ADAM28: variants seen among roughly 807,000 people sequenced by gnomAD.
ADAM28 encodes the protein ADAM metallopeptidase domain 28.
In ADAM28, 105 loss-of-function variants were observed where a neutral mutation model predicts 101.2. The observed-to-expected ratio is 1.04, with a 90% confidence interval of 0.89 to 1.22. The LOEUF is 1.22. ADAM28 is among the 50% of genes most tolerant of loss of function. The pLI is 0.00. For missense variants in ADAM28, 1,028 were observed against 945.4 expected (o/e 1.09, Z -1.15); for synonymous variants, 322 against 310.6 (o/e 1.04, Z -0.39).
intron 18 of ADAM28, among the ~76,000 whole-genome samples, chr8:24,344,331 C>T (rs1815156476): frequency 6.6e-6 from 1 of 152,128 alleles, no homozygotes; most frequent in African/African-American, 2.4e-5. Context: ...TTGACGCTCC[C>T]CTCTCTGTCT....
Position 24,306,359 on chromosome 8 carries a change from A to AATATATATAT in ADAM28, c.151-3532_151-3531insTATATATATA, listed in dbSNP as rs1194372727. Among the ~76,000 whole-genome samples the AATATATATAT allele has an allele frequency of 9.3e-4, 98 of 105,816 alleles. 2 individuals are homozygous for AATATATATAT. The highest frequency in any genetic ancestry group is 3.8e-3 in the African/African-American group (93 of 24,326). The allele number at this position is 105,816 out of a possible 152,430, so 69.4% of individuals were successfully genotyped here. ...ACTCCATCTCAAATACAAATAAATAAATAAATATATATATATATATATATA... is the reference window on the plus strand; with the variant it reads ...ACTCCATCTCAAATACAAATAAATAAATATATATATATAAATATATATATATATATATATA... On this transcript the variant is annotated intron_variant, in intron 2 of 22. Coordinates refer to ENST00000265769, the MANE Select transcript of ADAM28 (RefSeq NM_014265.6).
intron 2 of ADAM28, among the ~76,000 whole-genome samples, chr8:24,304,210 G>C (rs1809239645): frequency 6.7e-6 from 1 of 148,960 alleles, no homozygotes; most frequent in South Asian, 2.2e-4. Context: ...CCATAGACTA[G>C]TTACTGGCTC....
intron 11 of ADAM28, among the ~76,000 whole-genome samples, chr8:24,330,796 C>A (rs1813264954): frequency 6.6e-6 from 1 of 152,106 alleles, no homozygotes; most frequent in African/African-American, 2.4e-5. Flanking sequence ...GAGATCCTAT[C>A]AATAGGAATT....
Position 24,354,531 on chromosome 8 carries a change from T to C in ADAM28, c.*127T>C, listed in dbSNP as rs1295787943. On this transcript the variant is annotated 3_prime_UTR_variant, in exon 23 of 23. Coordinates refer to ENST00000265769, the MANE Select transcript of ADAM28 (RefSeq NM_014265.6). ...TCGACTCAAGAAGGTTAACATTTTC[T>C]GATTCATGTTAGACTTTGAAGAGAC... 3 of 1,164,890 alleles carry C rather than the reference T, an allele frequency of 2.6e-6. No homozygotes were observed. Among genetic ancestry groups the C allele is most frequent in the East Asian group, 5.7e-5 (2 of 34,926 alleles). The allele number at this position is 1,164,890 out of a possible 1,614,324, so 72.2% of individuals were successfully genotyped here.
chr8:24,320,674 A>C (rs1056289526), intron 7 of ADAM28, among the ~76,000 whole-genome samples: 1 of 152,016 alleles, frequency 6.6e-6, no homozygotes, highest in Admixed American at 6.6e-5. Context: ...ACAAAAGCTT[A>C]ATTGGTCACA....
At chr8:24,351,591 C>T in intron 20 of ADAM28, 1 of 523,030 alleles carries the variant, frequency 1.9e-6, no homozygotes, top group Non-Finnish European at 3.5e-6. Flanking sequence ...CTCTCTCCCT[C>T]TCTCACACAC....
Position 24,300,629 on chromosome 8 carries a change from G to A in ADAM28, c.150+552G>A, listed in dbSNP as rs537350885. Reference sequence around the variant, plus strand: ...GACGGGGTTTCACTGTGTTAGCCAGGATGTTTTCTATCTCCTGACCTTGTG... The same window carrying A: ...GACGGGGTTTCACTGTGTTAGCCAGAATGTTTTCTATCTCCTGACCTTGTG... On this transcript the variant is annotated intron_variant, in intron 2 of 22. Coordinates refer to ENST00000265769, the MANE Select transcript of ADAM28 (RefSeq NM_014265.6). 3.6e-3 allele frequency among the ~76,000 whole-genome samples: 551 copies of A among 152,210 alleles called. 2 individuals are homozygous for A. Among genetic ancestry groups the A allele is most frequent in the Middle Eastern group, 0.027 (8 of 294 alleles).
rs1563279900 is a variant in ADAM28 at position 24,313,378 on chromosome 8, GT to G, written c.384-4del. Reference sequence around the variant, plus strand: ...TTTGTTAAGAAGCCAGAACTCTCATGTTTTTTCAGGGGCTACTTCAGTCAGG... The same window carrying G: ...TTTGTTAAGAAGCCAGAACTCTCATGTTTTTCAGGGGCTACTTCAGTCAGG... On this transcript the variant is annotated splice_polypyrimidine_tract_variant and intron_variant, in intron 5 of 22. Transcript: ENST00000265769. The G allele has an allele frequency of 5.0e-6, 8 of 1,599,516 alleles. 1 individual carries two copies. In the South Asian group the frequency reaches 7.9e-5, roughly 16 times the overall value.
In ADAM28 at chr8:24,320,302, G is replaced by T; in HGVS notation, c.643G>T (p.Gly215Cys). The change falls in exon 7 of 23, where the codon GGT becomes TGT. Residue 215 changes from glycine to cysteine, a missense_variant. Physicochemically the swap from Gly to Cys is radical, Grantham distance 159. Coordinates refer to ENST00000265769, the MANE Select transcript of ADAM28 (RefSeq NM_014265.6). ...YIEYYLVLDN[G>C]EFKRYNENQD... is the part of the protein sequence containing the mutation. ...AGAATATTATTTGGTCCTGGATAATGGTGAGGTAATTATATGAGATAAATG... is the reference window on the plus strand; with the variant it reads ...AGAATATTATTTGGTCCTGGATAATTGTGAGGTAATTATATGAGATAAATG... 6.3e-7 allele frequency: 1 copy of T among 1,595,692 alleles called. No homozygotes were observed. Among genetic ancestry groups the T allele is most frequent in the Non-Finnish European group, 8.6e-7 (1 of 1,166,396 alleles).
chr8:24,357,799 G>GT lies in ADAM28; in HGVS notation c.*3397dup, dbSNP rs1816778715. ...TTTGTGTCTCTAGTCTCTTCCATTTGTTCTCCCTTCTTTACTAGCACCGAG... is the reference window on the plus strand; with the variant it reads ...TTTGTGTCTCTAGTCTCTTCCATTTGTTTCTCCCTTCTTTACTAGCACCGAG... On this transcript the variant is annotated 3_prime_UTR_variant, in exon 23 of 23. Transcript: ENST00000265769. 6.6e-6 allele frequency: 1 copy of GT among 151,772 alleles called. No homozygotes were observed. Among genetic ancestry groups the GT allele is most frequent in the Non-Finnish European group, 1.5e-5 (1 of 67,960 alleles). The allele number at this position is 151,772 out of a possible 1,614,324, so 9.4% of individuals were successfully genotyped here.
intron 16 of ADAM28, among the ~76,000 whole-genome samples, chr8:24,342,333 C>G (rs1585712962): frequency 6.6e-6 from 1 of 152,136 alleles, no homozygotes; most frequent in African/African-American, 2.4e-5. Flanking sequence ...AGCCAATCCT[C>G]AGAATATTAT....
In ADAM28 at chr8:24,300,107, G is replaced by A. The variant is rs375037705; in HGVS notation, c.150+30G>A. 15 of 1,555,780 alleles carry A rather than the reference G, an allele frequency of 9.6e-6. No individual in the cohort carries two copies. The African/African-American group carries it at 1.2e-4, about 13-fold the overall frequency. On this transcript the variant is annotated intron_variant, in intron 2 of 22. Transcript: ENST00000265769. ...AGCTTTTGATTTATCAAAGGATCTT[G>A]ATTTGAGATACATATATACACACAT...
chr8:24,298,879 A>C (rs1353967913), intron 1 of ADAM28, among the ~76,000 whole-genome samples: 2 of 152,108 alleles, frequency 1.3e-5, no homozygotes, highest in African/African-American at 4.8e-5. Context: ...GCTTCGAGAA[A>C]ATTGAATCTC....
At chr8:24,312,039 T>A (rs1810528948) in intron 5 of ADAM28, among the ~76,000 whole-genome samples, 1 of 151,978 alleles carries the variant, frequency 6.6e-6, no homozygotes, top group Admixed American at 6.6e-5. Context: ...ACCCCCAGAC[T>A]CTCTCCCCAC....
chr8:24,308,320 T>C (rs1237971495), intron 2 of ADAM28, among the ~76,000 whole-genome samples: 2 of 152,210 alleles, frequency 1.3e-5, no homozygotes, highest in Admixed American at 1.3e-4. Context: ...TTACCCAGTG[T>C]ACTCTCTTTC....
At chr8:24,347,327 G>A (rs935997383) in intron 18 of ADAM28, among the ~76,000 whole-genome samples, 2 of 151,866 alleles carry the variant, frequency 1.3e-5, no homozygotes, top group Non-Finnish European at 2.9e-5. Context: ...TTATACTCTT[G>A]GGTGATATTG....
chr8:24,334,480 G>A (rs1813755107), intron 13 of ADAM28, among the ~76,000 whole-genome samples: 1 of 152,000 alleles, frequency 6.6e-6, no homozygotes, highest in African/African-American at 2.4e-5. Context: ...GGGAAAATGG[G>A]CTTTCAACTG....
rs777976878 is a variant in ADAM28, at chr8:24,341,628, A to T, written c.1701A>T (p.Gln567His). The T allele has an allele frequency of 1.6e-5, 26 of 1,613,650 alleles. No individual in the cohort carries two copies. Among genetic ancestry groups the T allele is most frequent in the African/African-American group, 2.7e-5 (2 of 74,892 alleles). Reference sequence around the variant, plus strand: ...CCATGTGTGGGAAGTTGTTCTGTCAAGGTGGGTCGGATAATTTGCCCTGGA... The same window carrying T: ...CCATGTGTGGGAAGTTGTTCTGTCATGGTGGGTCGGATAATTTGCCCTGGA... ...NDTMCGKLFC[Q>H]GGSDNLPWKG... The change falls in exon 16 of 23, where the codon CAA becomes CAT. Residue 567 changes from glutamine to histidine, a missense_variant. Physicochemically the swap from Gln to His is conservative, Grantham distance 24. Coordinates refer to ENST00000265769, the MANE Select transcript of ADAM28 (RefSeq NM_014265.6).
At chr8:24,334,684 C>T (rs978905340) in intron 13 of ADAM28, among the ~76,000 whole-genome samples, 2 of 152,102 alleles carry the variant, frequency 1.3e-5, no homozygotes, top group East Asian at 1.9e-4. Flanking sequence ...GATTTGATCC[C>T]GTCACTGGTA....
Sources: allele counts gnomAD v4.1 joint callset (sites outside exome capture counted in the v4.1 genomes callset), GRCh38; gene constraint gnomAD v4.1.1; transcripts MANE v1.5; gene names NCBI Gene and HGNC (gene_info 2026-07-23, HGNC 2026-07-21).